ZNF407: variants seen among roughly 807,000 people sequenced by gnomAD.
ZNF407 encodes the protein zinc finger protein 407.
Under a neutral mutation model 131.2 loss-of-function variants are expected in ZNF407, and 17 were observed. The observed-to-expected ratio is 0.13, with a 90% CI of 0.09 to 0.19. The LOEUF (loss-of-function observed/expected upper bound fraction) is 0.19. ZNF407 is among the 10% of genes least tolerant of loss of function. The probability of loss-of-function intolerance (pLI) is 1.00; values close to 1 mark genes in which losing one functional copy is unlikely to be tolerated. For synonymous variants in ZNF407, 1,156 were observed against 1,062.0 expected (o/e 1.09, Z -1.72); for missense variants, 2,681 against 2,830.6 (o/e 0.95, Z 1.20).
chr18:74,751,147 T>G (rs1968791072), intron 3 of ZNF407, among the ~76,000 whole-genome samples: 1 of 152,140 alleles, frequency 6.6e-6, no homozygotes, highest in African/African-American at 2.4e-5. Flanking sequence ...TTTACTCTTT[T>G]GTCATTTGTG....
At chr18:74,727,939 T>C (rs1968198391) in intron 3 of ZNF407, among the ~76,000 whole-genome samples, 2 of 152,164 alleles carry the variant, frequency 1.3e-5, no homozygotes, top group East Asian at 1.9e-4. Flanking sequence ...CAGGTGGAGA[T>C]GCCAGTGATG....
At chr18:74,928,177 G>C (rs1183089780) in intron 8 of ZNF407, among the ~76,000 whole-genome samples, 1 of 152,170 alleles carries the variant, frequency 6.6e-6, no homozygotes. Flanking sequence ...ATACATGTAA[G>C]GTATACATTT....
intron 3 of ZNF407, among the ~76,000 whole-genome samples, chr18:74,706,750 G>C (rs1967632752): frequency 6.6e-6 from 1 of 152,140 alleles, no homozygotes; most frequent in African/African-American, 2.4e-5. Context: ...GGTACTTGTA[G>C]AATTTGACCT....
At chr18:74,856,636 A>G (rs1298857489) in intron 4 of ZNF407, among the ~76,000 whole-genome samples, 3 of 152,122 alleles carry the variant, frequency 2.0e-5, no homozygotes, top group Non-Finnish European at 4.4e-5. Flanking sequence ...ATTTGCTACT[A>G]TTGCCCTCTG....
At chr18:74,808,700 T>A (rs940018802) in intron 4 of ZNF407, among the ~76,000 whole-genome samples, 1 of 147,824 alleles carries the variant, frequency 6.8e-6, no homozygotes, top group African/African-American at 2.4e-5. Flanking sequence ...TATGATAGGA[T>A]CAATTACATT....
intron 1 of ZNF407, among the ~76,000 whole-genome samples, chr18:74,623,297 AGT>A (rs890740311): frequency 6.7e-5 from 10 of 150,202 alleles, no homozygotes; most frequent in African/African-American, 1.2e-4. Flanking sequence ...TTTGAGTGCA[AGT>A]GTGAGTGCGT....
intron 3 of ZNF407, among the ~76,000 whole-genome samples, chr18:74,653,307 G>A (rs760277773): frequency 7.9e-5 from 12 of 151,744 alleles, no homozygotes; most frequent in Admixed American, 1.3e-4. Context: ...TTATTTAAGC[G>A]TCATATTCTC....
At chr18:75,045,896 T>C (rs1014765726) in intron 8 of ZNF407, among the ~76,000 whole-genome samples, 10 of 152,194 alleles carry the variant, frequency 6.6e-5, no homozygotes, top group African/African-American at 2.2e-4. Flanking sequence ...TCCCAGAATC[T>C]ATAAACCACC....
At chr18:74,711,400 A>C (rs1282768179) in intron 3 of ZNF407, among the ~76,000 whole-genome samples, 1 of 152,176 alleles carries the variant, frequency 6.6e-6, no homozygotes, top group Admixed American at 6.6e-5. Flanking sequence ...AGGGTCCATA[A>C]ATGTGGAAGA....
chr18:74,715,093 T>G (rs1250349061), intron 3 of ZNF407, among the ~76,000 whole-genome samples: 1 of 152,198 alleles, frequency 6.6e-6, no homozygotes, highest in Non-Finnish European at 1.5e-5. Flanking sequence ...TTACCAGTCA[T>G]CTTCCACGTC....
intron 8 of ZNF407, among the ~76,000 whole-genome samples, chr18:75,017,243 A>G (rs1973055284): frequency 6.6e-6 from 1 of 152,180 alleles, no homozygotes; most frequent in Non-Finnish European, 1.5e-5. Context: ...ATGCTTTCAG[A>G]TAACAGTACT....
intron 4 of ZNF407, among the ~76,000 whole-genome samples, chr18:74,815,189 GT>G (rs1167768648): frequency 6.6e-6 from 1 of 151,954 alleles, no homozygotes; most frequent in East Asian, 1.9e-4. Flanking sequence ...ATTTACAAAT[GT>G]TTCTATGCTA....
intron 8 of ZNF407, among the ~76,000 whole-genome samples, chr18:74,951,612 A>T (rs1158051143): frequency 1.3e-5 from 2 of 152,090 alleles, no homozygotes; most frequent in Non-Finnish European, 2.9e-5. Flanking sequence ...AATAACCTTA[A>T]ACATGGCATT....
At chr18:74,687,733 T>C (rs1333876280) in intron 3 of ZNF407, among the ~76,000 whole-genome samples, 1 of 152,200 alleles carries the variant, frequency 6.6e-6, no homozygotes, top group Admixed American at 6.5e-5. Flanking sequence ...CTTGCACTCA[T>C]TTATTACAAA....
At position 74,634,606 on chromosome 18, in the gene ZNF407, G is replaced by A. The variant is rs529942039; in HGVS notation, c.3587G>A (p.Ser1196Asn). 9 of 1,613,898 alleles carry A rather than the reference G, an allele frequency of 5.6e-6. No individual in the cohort carries two copies. In the Admixed American group the frequency reaches 6.7e-5, roughly 12 times the overall value. The change falls in exon 2 of 9, where the codon AGC becomes AAC. Residue 1196 changes from serine (S) to asparagine (N), a missense_variant. By Grantham distance (46) the Ser-to-Asn change is conservative. This residue lies in a region of ZNF407 where 1,789 missense variants were observed against 1,748.7 expected (regional missense o/e 1.02). Coordinates refer to ENST00000299687, the MANE Select transcript of ZNF407 (RefSeq NM_017757.3). Reference sequence around the variant, plus strand: ...ATGTCCTCAAACTATGGCTCCCCAAGCAGATTTCAAAATGAAAATTCAGGA... The same window carrying A: ...ATGTCCTCAAACTATGGCTCCCCAAACAGATTTCAAAATGAAAATTCAGGA... ...LTMSSNYGSP[S>N]RFQNENSGSS...
At chr18:74,897,589 T>C (rs371057010) in intron 7 of ZNF407, among the ~76,000 whole-genome samples, 26 of 152,194 alleles carry the variant, frequency 1.7e-4, no homozygotes, top group East Asian at 1.5e-3. Context: ...TATCTGTATA[T>C]ATTGTGGAAG....
chr18:75,008,726 G>A (rs953130529), intron 8 of ZNF407, among the ~76,000 whole-genome samples: 2 of 152,160 alleles, frequency 1.3e-5, no homozygotes, highest in Non-Finnish European at 1.5e-5. Context: ...ACTTTGTAAT[G>A]CAGGGTAATA....
chr18:74,677,468 G>C (rs1986440088), intron 3 of ZNF407, among the ~76,000 whole-genome samples: 1 of 152,068 alleles, frequency 6.6e-6, no homozygotes, highest in Admixed American at 6.6e-5. Flanking sequence ...TTTATATTTT[G>C]ATTTATATGT....
intron 8 of ZNF407, among the ~76,000 whole-genome samples, chr18:74,976,466 A>G (rs766034714): frequency 2.0e-5 from 3 of 152,184 alleles, no homozygotes; most frequent in Non-Finnish European, 4.4e-5. Context: ...CCTGTAATTC[A>G]ATAGAGCTGG....
Sources: allele counts gnomAD v4.1 joint callset (sites outside exome capture counted in the v4.1 genomes callset), GRCh38; gene constraint gnomAD v4.1.1; regional missense constraint gnomAD v4.1.1; transcripts MANE v1.5; gene names NCBI Gene and HGNC (gene_info 2026-07-23, HGNC 2026-07-21).